The following TEAD3 variants were observed in gnomAD, a reference collection of about 807,000 sequenced individuals.
TEAD3 encodes the protein transcriptional enhancer factor TEF-5.
A neutral mutation model predicts 55.6 loss-of-function variants in TEAD3; 15 were observed. The ratio of observed to expected loss-of-function variants is 0.27; its 90% CI spans 0.18 to 0.42. The LOEUF (loss-of-function observed/expected upper bound fraction) is 0.42, where lower values mean the gene tolerates loss of function less well. TEAD3 is among the 10% of genes least tolerant of loss of function. The pLI is 1.00. For synonymous variants in TEAD3, 210 were observed against 232.2 expected, an observed-to-expected ratio of 0.90 and a Z score of 0.87; for missense variants, 407 against 576.8, an observed-to-expected ratio of 0.71 and a Z score of 3.01.
At chr6:35,478,095 C>A (rs1467734490) in intron 7 of TEAD3, among the ~76,000 whole-genome samples, 180 bp downstream of exon 7, 1 of 151,886 alleles carries the variant, frequency 6.6e-6, no homozygotes, top group Non-Finnish European at 1.5e-5. Flanking sequence ...TCAAGCAATC[C>A]TCCCACCTCG....
exon 9 of TEAD3, chr6:35,476,413 G>T (rs1288856941): frequency 3.1e-6 from 5 of 1,612,962 alleles, no homozygotes; most frequent in Non-Finnish European, 4.2e-6. Context: ...CAGCTGAGGG[G>T]AGCGGGGCCA....
Position 35,479,461 on chromosome 6 carries a change from G to A in TEAD3, c.331-145C>T, listed in dbSNP as rs927541530. 18 of 1,022,628 alleles carry A rather than the reference G, an allele frequency of 1.8e-5. No homozygotes were observed. In the Admixed American group the frequency reaches 1.8e-4, roughly 10 times the overall value. 63.3% of individuals were successfully genotyped at this position (1,022,628 alleles called of 1,614,324 possible). On this transcript the variant is annotated intron_variant, in intron 4 of 12. Coordinates refer to ENST00000639578, the Ensembl canonical transcript of TEAD3. ...CAAGGAAGCTCAGCAGACCCTCCCC[G>A]TCCCCACAGAGGGAGTGCCTGCCAG... is the stretch of plus-strand genomic sequence containing the variant.
chr6:35,475,529 TC>T lies in TEAD3; in HGVS notation c.1041+36del. On this transcript the variant is annotated intron_variant, in intron 11 of 12. Coordinates refer to ENST00000639578, the Ensembl canonical transcript of TEAD3. The surrounding 1 kb of genome is among the most constrained non-coding windows in gnomAD (Gnocchi z 5.4). ...AGAAGGCGTCACTCGGCCTGCCTGC[TC>T]CCAGCCCCACCAAGCCACCCAGAGC... 6.2e-7 allele frequency: 1 copy of T among 1,604,334 alleles called. No individual in the cohort carries two copies. The highest frequency in any genetic ancestry group is 8.5e-7 in the Non-Finnish European group (1 of 1,173,168).
In TEAD3 at chr6:35,480,050, G is replaced by T. The variant is rs781100620; in HGVS notation, c.330+10C>A. The T allele has an allele frequency of 2.0e-6, 3 of 1,503,500 alleles. No homozygotes were observed. The South Asian group carries it at 3.6e-5, about 18-fold the overall frequency. The allele number at this position is 1,503,500 out of a possible 1,614,324, so 93.1% of individuals were successfully genotyped here. ...TGGGCAGGCCAGGCCAGGTGGCAGG[G>T]GCCCCGTACCTTCAGCTTAGACTGA... On this transcript the variant is annotated intron_variant, in intron 4 of 12. Transcript: ENST00000639578.
At chr6:35,474,711 G>A (rs544721944), downstream of TEAD3, 5 of 274,288 alleles carry the variant, frequency 1.8e-5, no homozygotes, top group Admixed American at 1.5e-4. Flanking sequence ...GGTGGGTGGG[G>A]GTACAGTGGC....
intron 1 of TEAD3, among the ~76,000 whole-genome samples, chr6:35,487,036 A>G (rs1768399196): frequency 6.6e-6 from 1 of 152,246 alleles, no homozygotes; most frequent in Non-Finnish European, 1.5e-5. Context: ...CCCAGCTCAT[A>G]ATACTCAAGA....
At position 35,484,469 on chromosome 6, in the gene TEAD3, G is replaced by A. The variant is rs979870599; in HGVS notation, c.267+91C>T. The A allele has an allele frequency of 2.5e-5, 32 of 1,301,388 alleles. No individual in the cohort carries two copies. The Admixed American group carries it at 4.4e-4, about 18-fold the overall frequency. The allele number at this position is 1,301,388 out of a possible 1,614,324, so 80.6% of individuals were successfully genotyped here. A position where few individuals can be genotyped will look rare whatever the true frequency, so the allele number is the denominator to read the frequency against. ...GGCAGTCCAGGTCAGGGGCAGCCTC[G>A]AGGAGGTGGGCAGGGTAGGGGCAAG... On this transcript the variant is annotated intron_variant, in intron 3 of 12. Coordinates refer to ENST00000639578, the Ensembl canonical transcript of TEAD3. The surrounding 1 kb of genome is among the most constrained non-coding windows in gnomAD (Gnocchi z 5.8).
Position 35,475,202 on chromosome 6 carries a change from G to A in TEAD3, c.1195-45C>T, listed in dbSNP as rs1166650716. The A allele has an allele frequency of 2.5e-6, 4 of 1,568,696 alleles. No individual in the cohort carries two copies. Among genetic ancestry groups the A allele is most frequent in the Non-Finnish European group, 3.5e-6 (4 of 1,155,636 alleles). On this transcript the variant is annotated intron_variant, in intron 12 of 12. Transcript: ENST00000639578. The surrounding 1 kb of genome is among the most constrained non-coding windows in gnomAD (Gnocchi z 5.4). ...GAGATTCAGGAGGTCAGGGAGAAAAGGGCCACGGGGCAGGGGGCTGAACAG... is the reference window on the plus strand; with the variant it reads ...GAGATTCAGGAGGTCAGGGAGAAAAAGGCCACGGGGCAGGGGGCTGAACAG...
exon 4 of TEAD3, chr6:35,480,073 T>C (rs536179425): frequency 1.3e-6 from 2 of 1,527,844 alleles, no homozygotes; most frequent in East Asian, 2.5e-5. Context: ...CAGCTTAGAC[T>C]GAATCTCCCG....
chr6:35,474,840 C>T, downstream of TEAD3: 2 of 558,678 alleles, frequency 3.6e-6, no homozygotes, highest in Non-Finnish European at 6.3e-6. Flanking sequence ...CCGCTGAGCC[C>T]TCCTCTCCTC....
chr6:35,492,550 AG>A (rs1247398527), intron 1 of TEAD3, among the ~76,000 whole-genome samples: 1 of 152,052 alleles, frequency 6.6e-6, no homozygotes, highest in African/African-American at 2.4e-5. Context: ...TTTTTACAGG[AG>A]GAAGCAATTT....
intron 4 of TEAD3, chr6:35,480,053 C>T: frequency 6.6e-7 from 1 of 1,507,392 alleles, no homozygotes; most frequent in African/African-American, 1.4e-5. Flanking sequence ...TGGCAGGGGC[C>T]CCGTACCTTC....
rs1768118803 is a variant in TEAD3 at position 35,475,262 on chromosome 6, A to G, written c.1194+74T>C. Reference sequence around the variant, plus strand: ...CTTTCCGGATCTATGCCTCTCAGCCAAGCGATGTGTCTGGCTACCCAACTT... The same window carrying G: ...CTTTCCGGATCTATGCCTCTCAGCCGAGCGATGTGTCTGGCTACCCAACTT... On this transcript the variant is annotated intron_variant, in intron 12 of 12. Coordinates refer to ENST00000639578, the Ensembl canonical transcript of TEAD3. This position sits in a 1 kb window ranked among gnomAD's most constrained non-coding sequence, Gnocchi z 5.4. 5.6e-6 allele frequency: 9 copies of G among 1,605,370 alleles called. No individual in the cohort carries two copies. The highest frequency in any genetic ancestry group is 5.1e-5 in the Admixed American group (3 of 59,216).
rs1768362237 is a variant in TEAD3, at chr6:35,485,747, G to A, written c.202+714C>T. On this transcript the variant is annotated intron_variant, in intron 2 of 12. Coordinates refer to ENST00000639578, the Ensembl canonical transcript of TEAD3. The surrounding 1 kb of genome is among the most constrained non-coding windows in gnomAD (Gnocchi z 4.3). ...GGTGGGCGTGGCCAAGGGACACGGA[G>A]CGGACCTGATCCCTTCCCACAGGCG... Among the ~76,000 whole-genome samples the A allele has an allele frequency of 6.6e-6, 1 of 152,200 alleles. No individual in the cohort carries two copies. The highest frequency in any genetic ancestry group is 2.1e-4 in the South Asian group (1 of 4,838).
chr6:35,477,222 C>A lies in TEAD3; in HGVS notation c.592+89G>T, dbSNP rs58655225. 15 of 1,426,314 alleles carry A rather than the reference C, an allele frequency of 1.1e-5. No individual in the cohort carries two copies. In the African/African-American group the frequency reaches 2.1e-4, roughly 20 times the overall value. The allele number at this position is 1,426,314 out of a possible 1,614,324, so 88.4% of individuals were successfully genotyped here. ...TCCTGTAGATGTCGCAACCCCCTCC[C>A]TCCCAAAGCAAACACACACAGTTGG... On this transcript the variant is annotated intron_variant, in intron 8 of 12. Coordinates refer to ENST00000639578, the Ensembl canonical transcript of TEAD3.
exon 9 of TEAD3, chr6:35,476,434 A>T (rs1009216031): frequency 6.8e-6 from 11 of 1,612,884 alleles, no homozygotes; most frequent in Non-Finnish European, 9.3e-6. Flanking sequence ...GGGGCTCATA[A>T]CCTGGGAGGG....
At chr6:35,476,468 G>A in intron 8 of TEAD3, 33 bp from the exon 9 acceptor site, 1 of 1,609,550 alleles carries the variant, frequency 6.2e-7, no homozygotes, top group Non-Finnish European at 8.5e-7. Flanking sequence ...CATCTGCATG[G>A]ATGCATGCAG....
intron 9 of TEAD3, 45 bp from the exon 10 acceptor site, chr6:35,476,137 C>T (rs763161051): frequency 1.3e-6 from 2 of 1,539,224 alleles, no homozygotes; most frequent in South Asian, 2.5e-5. Flanking sequence ...CTCAGGCTTG[C>T]AGGCCCGGGG....
intron 3 of TEAD3, among the ~76,000 whole-genome samples, chr6:35,482,046 G>T (rs989287626): frequency 1.1e-4 from 16 of 152,148 alleles, no homozygotes; most frequent in Non-Finnish European, 2.2e-4. Flanking sequence ...GTGCAGTGGC[G>T]TGATCTCGGC....
Sources: allele counts gnomAD v4.1 joint callset (sites outside exome capture counted in the v4.1 genomes callset), GRCh38; gene constraint gnomAD v4.1.1; non-coding constraint Gnocchi (gnomAD v3.1); transcripts MANE v1.5; gene names NCBI Gene and HGNC (gene_info 2026-07-23, HGNC 2026-07-21).